Variants in PAPPA2 observed in about 807,000 individuals in gnomAD.
PAPPA2 encodes pappalysin-2.
In PAPPA2, 86 loss-of-function variants were observed where a neutral mutation model predicts 176.4. The ratio of observed to expected loss-of-function variants is 0.49; its 90% CI spans 0.41 to 0.58. The LOEUF (loss-of-function observed/expected upper bound fraction) is 0.58, where lower values mean the gene tolerates loss of function less well. PAPPA2 is among the 20% of genes least tolerant of loss of function. PAPPA2 has a pLI of 0.00. For missense variants in PAPPA2, 2,073 were observed against 2,256.9 expected (o/e 0.92, Z 1.65); for synonymous variants, 809 against 852.2 (o/e 0.95, Z 0.88).
At chr1:176,598,639 CACT>C (rs1386053043) in intron 3 of PAPPA2, among the ~76,000 whole-genome samples, 1 of 151,912 alleles carries the variant, frequency 6.6e-6, no homozygotes, top group Non-Finnish European at 1.5e-5. Flanking sequence ...TTATTTTACC[CACT>C]AATTTGTAGA....
intron 1 of PAPPA2, among the ~76,000 whole-genome samples, chr1:176,496,585 A>G (rs373955437): frequency 6.6e-6 from 1 of 152,080 alleles, no homozygotes; most frequent in East Asian, 1.9e-4. Flanking sequence ...GTCAGTTGGA[A>G]GTTCCTTACT....
intron 2 of PAPPA2, among the ~76,000 whole-genome samples, chr1:176,574,753 T>C (rs1558446849): frequency 6.6e-6 from 1 of 152,228 alleles, no homozygotes; most frequent in Non-Finnish European, 1.5e-5. Context: ...TAATGATGTG[T>C]TGGTTAACAA....
chr1:176,697,698 T>C (rs1289728946), intron 7 of PAPPA2, among the ~76,000 whole-genome samples: 2 of 152,212 alleles, frequency 1.3e-5, no homozygotes, highest in Non-Finnish European at 1.5e-5. Context: ...CCTCACCTCA[T>C]AATCCTGTAT....
At chr1:176,805,854 G>A (rs999231131) in intron 21 of PAPPA2, among the ~76,000 whole-genome samples, 1 of 151,856 alleles carries the variant, frequency 6.6e-6, no homozygotes, top group African/African-American at 2.4e-5. Context: ...TAACTATGGT[G>A]GTATTCACCT....
intron 12 of PAPPA2, among the ~76,000 whole-genome samples, chr1:176,718,356 AT>A (rs1181603152): frequency 6.6e-6 from 1 of 151,844 alleles, no homozygotes; most frequent in Non-Finnish European, 1.5e-5. Context: ...TATCATTTTC[AT>A]TAACCTTTTA....
chr1:176,616,398 T>A, intron 3 of PAPPA2: 1 of 607,726 alleles, frequency 1.6e-6, no homozygotes, highest in Admixed American at 2.0e-5. Context: ...TCCTATGAAT[T>A]GTACTGCATC....
chr1:176,561,762 G>A (rs1361824934), intron 2 of PAPPA2, among the ~76,000 whole-genome samples: 3 of 152,140 alleles, frequency 2.0e-5, no homozygotes, highest in African/African-American at 7.2e-5. Flanking sequence ...ACAACGTTCA[G>A]AGCTGTATTA....
intron 3 of PAPPA2, among the ~76,000 whole-genome samples, chr1:176,615,831 A>T (rs1201701340): frequency 6.6e-6 from 1 of 152,222 alleles, no homozygotes; most frequent in African/African-American, 2.4e-5. Flanking sequence ...AATAAACCAC[A>T]TAAGGTCTAG....
At chr1:176,493,157 G>C (rs993935366) in intron 1 of PAPPA2, among the ~76,000 whole-genome samples, 2 of 152,164 alleles carry the variant, frequency 1.3e-5, no homozygotes, top group East Asian at 3.9e-4. Context: ...ATATGGTGGA[G>C]TGTGGAATCA....
At chr1:176,486,676 C>G (rs937390997) in intron 1 of PAPPA2, among the ~76,000 whole-genome samples, 1 of 152,088 alleles carries the variant, frequency 6.6e-6, no homozygotes, top group Admixed American at 6.5e-5. Context: ...AGCTCAGGTA[C>G]TTTTTGAAAC....
At chr1:176,834,216 A>G (rs528792102) in intron 21 of PAPPA2, among the ~76,000 whole-genome samples, 2 of 152,350 alleles carry the variant, frequency 1.3e-5, no homozygotes, top group African/African-American at 2.4e-5. Flanking sequence ...TGTGGATCAA[A>G]TATACCATAA....
At chr1:176,814,179 A>T (rs1488479758) in intron 21 of PAPPA2, among the ~76,000 whole-genome samples, 1 of 152,188 alleles carries the variant, frequency 6.6e-6, no homozygotes, top group Non-Finnish European at 1.5e-5. Flanking sequence ...TGTTTTGGTT[A>T]CTGTAGCCTT....
chr1:176,549,504 A>C (rs1309376808), intron 1 of PAPPA2, among the ~76,000 whole-genome samples: 1 of 152,230 alleles, frequency 6.6e-6, no homozygotes, highest in East Asian at 1.9e-4. Flanking sequence ...TAGCTCAGAG[A>C]AGTTCATTAA....
At chr1:176,567,003 G>T (rs1652022172) in intron 2 of PAPPA2, among the ~76,000 whole-genome samples, 1 of 152,076 alleles carries the variant, frequency 6.6e-6, no homozygotes, top group African/African-American at 2.4e-5. Flanking sequence ...TGAGTACATG[G>T]AATTAACATT....
chr1:176,782,563 G>A (rs1664764643), intron 17 of PAPPA2, among the ~76,000 whole-genome samples: 1 of 152,142 alleles, frequency 6.6e-6, no homozygotes, highest in Non-Finnish European at 1.5e-5. Context: ...ATCATGACTC[G>A]AGAGAATGGC....
chr1:176,786,240 T>A (rs952801566), intron 17 of PAPPA2, among the ~76,000 whole-genome samples: 1 of 152,240 alleles, frequency 6.6e-6, no homozygotes, highest in Non-Finnish European at 1.5e-5. Context: ...TTAAATGTCA[T>A]CTTTCTGGAG....
chr1:176,576,420 A>T (rs957018281), intron 2 of PAPPA2, among the ~76,000 whole-genome samples: 1 of 151,594 alleles, frequency 6.6e-6, no homozygotes, highest in African/African-American at 2.4e-5. Context: ...TGTGCAGGTG[A>T]TATGTAAGTA....
rs538190297 is a variant in PAPPA2 at position 176,815,659 on chromosome 1, C to T, written c.5202+15527C>T. 2.0e-5 allele frequency among the ~76,000 whole-genome samples: 3 copies of T among 152,102 alleles called. No individual in the cohort carries two copies. In the South Asian group the frequency reaches 6.2e-4, roughly 32 times the overall value. ...AGGAGGTTGTGAGGACATGTGCCCACGGTAGTTGAGGTACACCTTGCTTGT... is the reference window on the plus strand; with the variant it reads ...AGGAGGTTGTGAGGACATGTGCCCATGGTAGTTGAGGTACACCTTGCTTGT... On this transcript the variant is annotated intron_variant, in intron 21 of 22. Coordinates refer to ENST00000367662, the MANE Select transcript of PAPPA2 (RefSeq NM_020318.3).
intron 9 of PAPPA2, among the ~76,000 whole-genome samples, chr1:176,706,125 A>G (rs1438244585): frequency 6.6e-6 from 1 of 152,180 alleles, no homozygotes; most frequent in Non-Finnish European, 1.5e-5. Context: ...TAACTTCAGG[A>G]ATTCCCACAA....
Sources: allele counts gnomAD v4.1 joint callset (sites outside exome capture counted in the v4.1 genomes callset), GRCh38; gene constraint gnomAD v4.1.1; transcripts MANE v1.5; gene names NCBI Gene and HGNC (gene_info 2026-07-23, HGNC 2026-07-21).